The following PLXNA2 variants were observed in gnomAD, a reference collection of about 807,000 sequenced individuals.
PLXNA2 encodes the protein plexin-A2.
Under a neutral mutation model 193.5 loss-of-function variants are expected in PLXNA2, and 91 were observed. The observed-to-expected ratio is 0.47, with a 90% CI of 0.40 to 0.56. The LOEUF (loss-of-function observed/expected upper bound fraction) is 0.56. Ranked by LOEUF, PLXNA2 falls within the 20% of genes least tolerant of loss-of-function variation. PLXNA2 has a pLI of 0.00. For synonymous variants in PLXNA2, 997 were observed against 1,027.3 expected, an observed-to-expected ratio of 0.97 and a Z score of 0.56; for missense variants, 1,995 against 2,503.2, an observed-to-expected ratio of 0.80 and a Z score of 4.33.
chr1:208,230,958 G>A (rs1200054775), intron 1 of PLXNA2, among the ~76,000 whole-genome samples: 1 of 152,208 alleles, frequency 6.6e-6, no homozygotes, highest in East Asian at 1.9e-4. Context: ...CTGGGCAGAG[G>A]TCTGACCACT....
chr1:208,064,603 G>A (rs774649046), intron 12 of PLXNA2, among the ~76,000 whole-genome samples: 14 of 152,150 alleles, frequency 9.2e-5, no homozygotes, highest in Non-Finnish European at 1.9e-4. Context: ...GAGTGCAAAG[G>A]AACAGAGAGA....
chr1:208,112,072 G>A (rs550414899), intron 4 of PLXNA2, among the ~76,000 whole-genome samples: 4 of 152,346 alleles, frequency 2.6e-5, no homozygotes, highest in African/African-American at 9.6e-5. Flanking sequence ...GAGTGGTTGA[G>A]TAATTCAGAG....
At chr1:208,188,826 T>C (rs2102560562) in intron 3 of PLXNA2, among the ~76,000 whole-genome samples, 1 of 152,224 alleles carries the variant, frequency 6.6e-6, no homozygotes, top group South Asian at 2.1e-4. Context: ...ATGTGTAAAG[T>C]TGGATCTTCT....
At chr1:208,054,601 C>T (rs139129629) in intron 13 of PLXNA2, 63 bp from the exon 14 acceptor site, 5 of 1,123,340 alleles carry the variant, frequency 4.5e-6, no homozygotes, top group East Asian at 2.4e-5. Flanking sequence ...TGTTCACTTG[C>T]TCTCCCAGTC....
intron 12 of PLXNA2, among the ~76,000 whole-genome samples, chr1:208,077,142 A>T (rs533532123): frequency 1.3e-5 from 2 of 152,048 alleles, no homozygotes; most frequent in Non-Finnish European, 2.9e-5. Context: ...TCCCTCCCCC[A>T]TGTCCTGTTC....
intron 1 of PLXNA2, among the ~76,000 whole-genome samples, chr1:208,238,130 CCT>C (rs372777427): frequency 2.6e-3 from 396 of 152,216 alleles, no homozygotes; most frequent in African/African-American, 9.1e-3. Flanking sequence ...TGCTAGGGTT[CCT>C]CTGTCAGAAG....
Position 208,039,565 on chromosome 1 carries a change from G to A in PLXNA2, c.4500+56C>T, listed in dbSNP as rs539306673. 116 of 1,606,766 alleles carry A rather than the reference G, an allele frequency of 7.2e-5. No homozygotes were observed. The African/African-American group carries it at 1.4e-3, about 20-fold the overall frequency. ...ACTGCTTTTATGGACAGAAGGCAGA[G>A]CAAGGGGCAGAAGTAGAAGATACAC... On this transcript the variant is annotated intron_variant, in intron 24 of 31. Coordinates refer to ENST00000367033, the MANE Select transcript of PLXNA2 (RefSeq NM_025179.4).
In PLXNA2 at chr1:208,217,835, G is replaced by C. The variant is rs1018623403; in HGVS notation, c.88C>G (p.Pro30Ala). ...AACTGAGGCATGCCGGCTGCTGGGGGGGCCAGCAGCACCCAGACCACTGAG... is the reference window on the plus strand; with the variant it reads ...AACTGAGGCATGCCGGCTGCTGGGGCGGCCAGCAGCACCCAGACCACTGAG... ...LLSVVWVLLA[P>A]PAAGMPQFST... The change falls in exon 2 of 32, where the codon CCC becomes GCC. Residue 30 changes from proline to alanine, a missense_variant. This residue lies in a region of PLXNA2 where 702 missense variants were observed against 812.9 expected (regional missense o/e 0.86). Transcript: ENST00000367033. This position sits in a 1 kb window ranked among gnomAD's most constrained non-coding sequence, Gnocchi z 4.7. The C allele has an allele frequency of 3.7e-6, 6 of 1,614,078 alleles. No homozygotes were observed. Among genetic ancestry groups the C allele is most frequent in the Non-Finnish European group, 5.1e-6 (6 of 1,180,024 alleles).
At chr1:208,086,629 C>T (rs117748068) in intron 9 of PLXNA2, among the ~76,000 whole-genome samples, 36 of 151,946 alleles carry the variant, frequency 2.4e-4, no homozygotes, top group African/African-American at 6.0e-4. Flanking sequence ...CAGGCAGGCA[C>T]GGCATCCACG....
At chr1:208,140,327 G>C (rs1668423320) in intron 4 of PLXNA2, among the ~76,000 whole-genome samples, 1 of 152,122 alleles carries the variant, frequency 6.6e-6, no homozygotes, top group South Asian at 2.1e-4. Flanking sequence ...TTTTCAGAAA[G>C]CGTTTCATTG....
intron 13 of PLXNA2, among the ~76,000 whole-genome samples, chr1:208,060,416 C>G (rs1665576990): frequency 6.6e-6 from 1 of 152,150 alleles, no homozygotes; most frequent in Non-Finnish European, 1.5e-5. Context: ...CTCAGTCACA[C>G]TGGCGGGCAG....
chr1:208,028,919 T>C lies in PLXNA2; in HGVS notation c.5349A>G (p.Ser1783=), dbSNP rs367932597. The part of the protein sequence containing the change: ...VVAQTFMDSC[S]TSEHRLGKDS... ...CCTTGCCCAGCCGGTGCTCTGACGT[T>C]GAACAAGAGTCCATGAAGGTCTGGG... The change falls in exon 30 of 32, where the codon TCA becomes TCG. Residue 1783 remains serine (S), a synonymous_variant. Transcript: ENST00000367033. This position sits in a 1 kb window ranked among gnomAD's most constrained non-coding sequence, Gnocchi z 4.2. The C allele has an allele frequency of 4.3e-6, 7 of 1,613,988 alleles. No individual in the cohort carries two copies. The highest frequency in any genetic ancestry group is 5.1e-6 in the Non-Finnish European group (6 of 1,180,036).
intron 1 of PLXNA2, among the ~76,000 whole-genome samples, chr1:208,229,863 T>C (rs1421005378): frequency 6.6e-6 from 1 of 152,206 alleles, no homozygotes; most frequent in African/African-American, 2.4e-5. Context: ...CCTTGGAAGG[T>C]TCCAGAACAG....
At chr1:208,222,906 T>C (rs1427864164) in intron 1 of PLXNA2, among the ~76,000 whole-genome samples, 4 of 152,056 alleles carry the variant, frequency 2.6e-5, no homozygotes, top group African/African-American at 9.7e-5. Context: ...AACAACCCTG[T>C]CATCAACATC....
At chr1:208,110,668 A>C (rs1463730785) in intron 4 of PLXNA2, among the ~76,000 whole-genome samples, 1 of 152,200 alleles carries the variant, frequency 6.6e-6, no homozygotes, top group Non-Finnish European at 1.5e-5. Context: ...TGTCAGCTTA[A>C]GTAACGCAGG....
intron 4 of PLXNA2, among the ~76,000 whole-genome samples, chr1:208,126,981 G>T (rs1408428796): frequency 6.6e-6 from 1 of 152,204 alleles, no homozygotes; most frequent in Non-Finnish European, 1.5e-5. Context: ...AGAGGAAAAA[G>T]GAATTAATGA....
At chr1:208,206,048 TAG>T (rs961340412) in intron 3 of PLXNA2, among the ~76,000 whole-genome samples, 100 of 152,312 alleles carry the variant, frequency 6.6e-4, no homozygotes, top group African/African-American at 2.4e-3. Context: ...ACCTACCTCA[TAG>T]AGTTATATAA....
Position 208,192,445 on chromosome 1 carries a change from C to CT in PLXNA2, c.1371+17834dup, listed in dbSNP as rs374197573. ...AAATGTCATCATCTGCCATTTGAAC[C>CT]TTTTTTTTTAAACAACAAAAAAACC... is the stretch of plus-strand genomic sequence containing the variant. On this transcript the variant is annotated intron_variant, in intron 3 of 31. Coordinates refer to ENST00000367033, the MANE Select transcript of PLXNA2 (RefSeq NM_025179.4). Among the ~76,000 whole-genome samples, 179 of 149,848 alleles carry CT rather than the reference C, an allele frequency of 1.2e-3. 6 individuals carry two copies. In the South Asian group the frequency reaches 0.037, roughly 31 times the overall value.
chr1:208,080,853 G>A (rs1307307991), intron 11 of PLXNA2, among the ~76,000 whole-genome samples: 5 of 152,180 alleles, frequency 3.3e-5, no homozygotes, highest in African/African-American at 1.2e-4. Flanking sequence ...AAGGGGAACA[G>A]TCATTCATCT....
Sources: allele counts gnomAD v4.1 joint callset (sites outside exome capture counted in the v4.1 genomes callset), GRCh38; gene constraint gnomAD v4.1.1; regional missense constraint gnomAD v4.1.1; non-coding constraint Gnocchi (gnomAD v3.1); transcripts MANE v1.5; gene names NCBI Gene and HGNC (gene_info 2026-07-23, HGNC 2026-07-21).